The following RUVBL2 variants were observed in gnomAD, a reference collection of about 807,000 sequenced individuals.
RUVBL2 encodes the protein RuvB like AAA ATPase 2, also known as ruvB-like 2.
A neutral mutation model predicts 57.9 loss-of-function variants in RUVBL2; 9 were observed. The observed-to-expected ratio is 0.16, with a 90% CI of 0.09 to 0.27. RUVBL2 has a LOEUF of 0.27. RUVBL2 is among the 10% of genes least tolerant of loss of function. The pLI is 1.00. For synonymous variants in RUVBL2, 278 were observed against 264.6 expected (o/e 1.05, Z -0.49); for missense variants, 456 against 669.6 (o/e 0.68, Z 3.52).
rs779792386 is a variant in RUVBL2, at chr19:49,010,548, G to A, written c.724G>A (p.Val242Met). 4.3e-5 allele frequency: 63 copies of A among 1,473,436 alleles called. No individual in the cohort carries two copies. Among genetic ancestry groups the A allele is most frequent in the Non-Finnish European group, 5.3e-5 (58 of 1,093,396 alleles). The allele number at this position is 1,473,436 out of a possible 1,614,324, so 91.3% of individuals were successfully genotyped here. The part of the protein sequence containing the change: ...LQKRKEVVHT[V>M]SLHEIDVINS... ...GAAACGCAAGGAGGTGGTGCACACC[G>A]TGTCCCTGCACGAGATCGACGTCAT... is the stretch of plus-strand genomic sequence containing the variant. The change falls in exon 9 of 15, where the codon GTG becomes ATG. Residue 242 changes from valine (V) to methionine (M), a missense_variant. This residue lies in a region of RUVBL2 where 233 missense variants were observed against 306.0 expected (regional missense o/e 0.76). Coordinates refer to ENST00000595090, the MANE Select transcript of RUVBL2 (RefSeq NM_006666.3).
intron 1 of RUVBL2, among the ~76,000 whole-genome samples, chr19:48,997,532 G>A (rs1472507571): frequency 6.6e-6 from 1 of 151,598 alleles, no homozygotes; most frequent in South Asian, 2.1e-4. Flanking sequence ...GGGAGGCTGA[G>A]GCAGAAGAAT....
chr19:49,011,367 G>C lies in RUVBL2; in HGVS notation c.1001+57G>C. The C allele has an allele frequency of 7.3e-7, 1 of 1,379,282 alleles. No individual in the cohort carries two copies. Among genetic ancestry groups the C allele is most frequent in the Non-Finnish European group, 1.0e-6 (1 of 971,418 alleles). 85.4% of individuals were successfully genotyped at this position (1,379,282 alleles called of 1,614,324 possible). On this transcript the variant is annotated intron_variant, in intron 11 of 14. Transcript: ENST00000595090. The surrounding 1 kb of genome is among the most constrained non-coding windows in gnomAD (Gnocchi z 4.4). ...CAGGATGCTCTGGGCAGTGGGTGTG[G>C]TCAGAGGGTCAATGGGAGCCTGTGT...
intron 13 of RUVBL2, 37 bp downstream of exon 13, chr19:49,015,187 G>A (rs775584955): frequency 8.2e-6 from 13 of 1,592,706 alleles, no homozygotes; most frequent in African/African-American, 6.7e-5. Context: ...GCCAGATGGC[G>A]GCAGTGAGTG....
intron 3 of RUVBL2, 137 bp from the exon 4 acceptor site, chr19:49,004,140 A>AAT: frequency 3.1e-6 from 3 of 975,624 alleles, no homozygotes; most frequent in East Asian, 2.9e-5. Flanking sequence ...AAAAAAAAAA[A>AAT]GCAGGGAAAG....
intron 12 of RUVBL2, 106 bp from the exon 13 acceptor site, chr19:49,014,915 G>A (rs75070208): frequency 4.0e-4 from 564 of 1,408,238 alleles, no homozygotes; most frequent in Middle Eastern, 1.2e-3. Context: ...AGATGCAGGC[G>A]CCACATATTC....
intron 2 of RUVBL2, among the ~76,000 whole-genome samples, chr19:48,999,674 C>G (rs1182261562): frequency 6.6e-6 from 1 of 152,108 alleles, no homozygotes; most frequent in Non-Finnish European, 1.5e-5. Context: ...GCCTCGTATA[C>G]CCAGTACACA....
At chr19:49,010,693 C>G in intron 9 of RUVBL2, 82 bp downstream of exon 9, 1 of 1,569,248 alleles carries the variant, frequency 6.4e-7, no homozygotes, top group Admixed American at 1.8e-5. Flanking sequence ...TCCTGAGCTC[C>G]GAGTGTGGCC....
chr19:49,003,918 C>T (rs1010229784), intron 3 of RUVBL2, among the ~76,000 whole-genome samples: 1 of 151,680 alleles, frequency 6.6e-6, no homozygotes, highest in African/African-American at 2.4e-5. Context: ...AGCTTGAGGC[C>T]AGCCTGGGTA....
At position 49,009,790 on chromosome 19, in the gene RUVBL2, C is replaced by G. The variant is rs1279329798; in HGVS notation, c.477C>G (p.Gly159=). Residue 159 remains glycine (G), a synonymous_variant, in exon 7 of 15, where the codon GGC becomes GGG. Transcript: ENST00000595090. The part of the protein sequence containing the change: ...RPATGTGSKV[G]KLTLKTTEME... ...CCCACTCTCAGGGCTCCAAGGTGGG[C>G]AAACTGACCCTCAAGACCACAGAGA... The G allele has an allele frequency of 1.2e-6, 2 of 1,613,996 alleles. No homozygotes were observed. Among genetic ancestry groups the G allele is most frequent in the Admixed American group, 3.3e-5 (2 of 60,012 alleles).
At chr19:49,015,321 A>T (rs2039524046) in intron 13 of RUVBL2, 171 bp downstream of exon 13, 2 of 835,348 alleles carry the variant, frequency 2.4e-6, no homozygotes. Context: ...AGTAGGTATC[A>T]GTAAATCTCT....
chr19:48,994,322 C>G (rs979757737), intron 1 of RUVBL2: 1 of 242,160 alleles, frequency 4.1e-6, no homozygotes, highest in African/African-American at 2.2e-5. Context: ...ACTTGAGTTC[C>G]AAGCTGGAAG....
chr19:49,015,173 C>T (rs375882516), intron 13 of RUVBL2, 23 bp downstream of exon 13: 6 of 1,599,944 alleles, frequency 3.8e-6, no homozygotes, highest in Non-Finnish European at 5.1e-6. Flanking sequence ...AATTAGCCAG[C>T]AGGGCCAGAT....
At chr19:48,996,291 A>G (rs1004095310) in intron 1 of RUVBL2, among the ~76,000 whole-genome samples, 2 of 152,128 alleles carry the variant, frequency 1.3e-5, no homozygotes, top group African/African-American at 4.8e-5. Context: ...TGTAACAGAC[A>G]TGCAAAGATC....
chr19:49,005,826 G>T (rs1348435746), intron 4 of RUVBL2, among the ~76,000 whole-genome samples: 1 of 152,134 alleles, frequency 6.6e-6, no homozygotes, highest in African/African-American at 2.4e-5. Context: ...AGTAGAAATG[G>T]GATTTCACCA....
rs537348032 is a variant in RUVBL2, at chr19:49,010,277, A to T, written c.663+211A>T. ...GGCCACATGTGGCCTGTGGCTTCTA[A>T]GGTCCTCCGGGAGCCCCCGTGACCC... On this transcript the variant is annotated intron_variant, in intron 8 of 14. Transcript: ENST00000595090. 2.5e-4 allele frequency: 167 copies of T among 673,966 alleles called. 2 individuals carry two copies. The East Asian group carries it at 3.5e-3, about 14-fold the overall frequency. The allele number at this position is 673,966 out of a possible 1,614,324, so 41.7% of individuals were successfully genotyped here.
intron 3 of RUVBL2, 102 bp from the exon 4 acceptor site, chr19:49,004,175 C>T: frequency 1.4e-6 from 2 of 1,462,592 alleles, no homozygotes; most frequent in Non-Finnish European, 1.8e-6. Flanking sequence ...CCTAGAAGTC[C>T]CAGCTAGTAA....
intron 6 of RUVBL2, among the ~76,000 whole-genome samples, chr19:49,009,275 T>A (rs1324217517): frequency 7.0e-6 from 1 of 143,698 alleles, no homozygotes; most frequent in East Asian, 2.2e-4. Flanking sequence ...GATCACAAGG[T>A]CAGGAGATCG....
At chr19:48,996,826 C>T (rs1433862308) in intron 1 of RUVBL2, among the ~76,000 whole-genome samples, 1 of 151,132 alleles carries the variant, frequency 6.6e-6, no homozygotes, top group Non-Finnish European at 1.5e-5. Context: ...CGTGCCTGAC[C>T]TAATTTTTGT....
Position 49,003,353 on chromosome 19 carries a change from G to A in RUVBL2, c.123+19G>A. ...TCGGCAGGTAGAGCAGAGGAGGCTG[G>A]GGTGTGAGGGCCTCTCCATGAAGGT... On this transcript the variant is annotated intron_variant, in intron 3 of 14. Coordinates refer to ENST00000595090, the MANE Select transcript of RUVBL2 (RefSeq NM_006666.3). The A allele has an allele frequency of 8.1e-6, 13 of 1,612,778 alleles. No homozygotes were observed. Among genetic ancestry groups the A allele is most frequent in the Non-Finnish European group, 1.1e-5 (13 of 1,179,278 alleles).
Sources: gnomAD v4.1 joint callset for allele counts (sites outside exome capture counted in the v4.1 genomes callset) on GRCh38, gnomAD v4.1.1 for gene constraint, gnomAD v4.1.1 regional missense constraint, Gnocchi (gnomAD v3.1) non-coding constraint, MANE v1.5 for transcripts, NCBI Gene and HGNC (gene_info 2026-07-23, HGNC 2026-07-21) for gene names.